The following GLIS3 variants were observed in gnomAD, a reference collection of about 807,000 sequenced individuals.
The protein encoded by GLIS3 is zinc finger protein GLIS3.
GLIS3 carries 53 observed loss-of-function variants against 78.6 expected under a neutral mutation model. The observed-to-expected ratio is 0.67, with a 90% CI of 0.54 to 0.85. The LOEUF (loss-of-function observed/expected upper bound fraction) is 0.85, where lower values mean the gene tolerates loss of function less well. GLIS3 is among the 40% of genes least tolerant of loss of function. GLIS3 has a pLI of 0.00. For missense variants in GLIS3, 1,703 were observed against 1,231.1 expected, an observed-to-expected ratio of 1.38 and a Z score of -5.74; for synonymous variants, 684 against 509.9, an observed-to-expected ratio of 1.34 and a Z score of -4.60.
At chr9:4,015,966 T>G (rs1312690108) in intron 4 of GLIS3, among the ~76,000 whole-genome samples, 1 of 151,998 alleles carries the variant, frequency 6.6e-6, no homozygotes, top group Non-Finnish European at 1.5e-5. Flanking sequence ...AAATAGGAAT[T>G]TGGTAAATAC....
upstream of GLIS3, among the ~76,000 whole-genome samples, chr9:4,350,522 C>T (rs567273047): frequency 3.2e-4 from 49 of 152,314 alleles, no homozygotes; most frequent in Non-Finnish European, 5.9e-4. Context: ...CGTACTATAT[C>T]TCTCTGAAAT....
At chr9:4,322,368 A>G (rs1289358122) in intron 2 of GLIS3, among the ~76,000 whole-genome samples, 4 of 152,252 alleles carry the variant, frequency 2.6e-5, no homozygotes, top group Non-Finnish European at 5.9e-5. Context: ...TAGGAACATG[A>G]TTTATAATCC....
At chr9:4,475,949 A>G in the GLIS3 span, among the ~76,000 whole-genome samples, 2 of 152,132 alleles carry the variant, frequency 1.3e-5, no homozygotes, top group East Asian at 1.9e-4. Flanking sequence ...GGGTCTTGCT[A>G]TGTTAACCAG....
chr9:4,322,842 T>G (rs1301865790), intron 2 of GLIS3, among the ~76,000 whole-genome samples: 1 of 152,218 alleles, frequency 6.6e-6, no homozygotes, highest in Non-Finnish European at 1.5e-5. Context: ...TTGCAAAAAT[T>G]TTCTCCCATT....
the GLIS3 span, among the ~76,000 whole-genome samples, chr9:4,443,749 T>C: frequency 6.6e-6 from 1 of 152,208 alleles, no homozygotes; most frequent in Non-Finnish European, 1.5e-5. Flanking sequence ...GTCAAATGAT[T>C]GCAAAGAAAG....
chr9:4,488,568 G>A, the GLIS3 span, among the ~76,000 whole-genome samples: 1 of 151,964 alleles, frequency 6.6e-6, no homozygotes, highest in South Asian at 2.1e-4. Context: ...CGCCCAGGCA[G>A]GAGTGCTGCA....
intron 2 of GLIS3, among the ~76,000 whole-genome samples, chr9:4,186,002 T>C (rs1563718507): frequency 6.6e-6 from 1 of 152,022 alleles, no homozygotes; most frequent in Non-Finnish European, 1.5e-5. Flanking sequence ...TTTTTAAATT[T>C]TATTTTATTA....
intron 4 of GLIS3, among the ~76,000 whole-genome samples, chr9:4,056,933 G>GA: frequency 7.1e-6 from 1 of 140,270 alleles, no homozygotes; most frequent in African/African-American, 2.6e-5. Flanking sequence ...CATCTGCCAG[G>GA]AAAAAAAGCC....
the GLIS3 span, among the ~76,000 whole-genome samples, chr9:4,377,163 C>G: frequency 5.9e-5 from 8 of 134,874 alleles, no homozygotes; most frequent in Non-Finnish European, 1.2e-4. Context: ...AGGGTGTTGC[C>G]AGAGGAGACT....
Position 3,825,213 on chromosome 9 carries a change from CTGCTG to C in GLIS3, c.*3054_*3058del, listed in dbSNP as rs1563748653. 1 of 152,124 alleles carries C rather than the reference CTGCTG, an allele frequency of 6.6e-6. No homozygotes were observed. 9.4% of individuals were successfully genotyped at this position (152,124 alleles called of 1,614,324 possible). The stretch of plus-strand genomic sequence containing the variant: ...GCCAACACTCTTATCAGTGGTAACT[CTGCTG>C]TGATCTACTAAAGACCTTTTTTTTT... On this transcript the variant is annotated 3_prime_UTR_variant, in exon 11 of 11. Coordinates refer to ENST00000381971, the MANE Select transcript of GLIS3 (RefSeq NM_001042413.2).
chr9:4,150,937 T>C (rs1348888573), intron 2 of GLIS3: 1 of 152,158 alleles, frequency 6.6e-6, no homozygotes, highest in Non-Finnish European at 1.5e-5. Flanking sequence ...ATGATGCAAA[T>C]ACCTCTGAGG....
chr9:3,921,944 A>ACACACACACACACT (rs1329684597), intron 6 of GLIS3, among the ~76,000 whole-genome samples: 6 of 151,806 alleles, frequency 4.0e-5, no homozygotes, highest in Admixed American at 3.9e-4. Context: ...ACACACACAC[A>ACACACACACACACT]CACTCACACT....
At chr9:3,990,384 G>A (rs756448304) in intron 4 of GLIS3, among the ~76,000 whole-genome samples, 6 of 152,148 alleles carry the variant, frequency 3.9e-5, no homozygotes, top group Non-Finnish European at 7.3e-5. Flanking sequence ...CGGCAATGGC[G>A]CATGTTTTCT....
rs751912495 is a variant in GLIS3, at chr9:3,904,976, C to CTT, written c.1984-6143_1984-6142dup. 7.4e-3 allele frequency among the ~76,000 whole-genome samples: 1,031 copies of CTT among 139,372 alleles called. 17 individuals carry two copies. Among genetic ancestry groups the CTT allele is most frequent in the African/African-American group, 0.025 (955 of 38,026 alleles). 91.4% of individuals were successfully genotyped at this position (139,372 alleles called of 152,430 possible). The stretch of plus-strand genomic sequence containing the variant: ...CACAGTTTCTCTTCCTCTTATGACT[C>CTT]TTTTTTTTTTTTTTGAGACGGAGTC... On this transcript the variant is annotated intron_variant, in intron 6 of 10. Transcript: ENST00000381971.
chr9:4,020,758 T>C (rs907197102), intron 4 of GLIS3, among the ~76,000 whole-genome samples: 3 of 152,242 alleles, frequency 2.0e-5, no homozygotes, highest in Non-Finnish European at 4.4e-5. Flanking sequence ...CAAGAATTAG[T>C]GTCGAGCTGC....
Position 3,855,926 on chromosome 9 carries a change from A to T in GLIS3, c.2473+83T>A, listed in dbSNP as rs1405969473. ...GCCTGGTGTAGAACAGAGCATCTGA[A>T]ATCCACGACAGGTAACTAAGATGAA... On this transcript the variant is annotated intron_variant, in intron 9 of 10. Coordinates refer to ENST00000381971, the MANE Select transcript of GLIS3 (RefSeq NM_001042413.2). 32 of 1,463,118 alleles carry T rather than the reference A, an allele frequency of 2.2e-5. 1 individual carries two copies. The Admixed American group carries it at 5.4e-4, about 25-fold the overall frequency. The allele number at this position is 1,463,118 out of a possible 1,614,324, so 90.6% of individuals were successfully genotyped here.
chr9:4,010,372 T>A (rs1402225137), intron 4 of GLIS3, among the ~76,000 whole-genome samples: 1 of 152,178 alleles, frequency 6.6e-6, no homozygotes, highest in East Asian at 1.9e-4. Flanking sequence ...TATTAATTTA[T>A]TTCCTACAGG....
At chr9:4,143,891 C>G (rs1834007931) in intron 2 of GLIS3, among the ~76,000 whole-genome samples, 1 of 152,206 alleles carries the variant, frequency 6.6e-6, no homozygotes, top group South Asian at 2.1e-4. Context: ...GCGAAACCAT[C>G]TAAATGTTTG....
the GLIS3 span, among the ~76,000 whole-genome samples, chr9:4,399,472 T>C: frequency 6.6e-6 from 1 of 152,200 alleles, no homozygotes; most frequent in Non-Finnish European, 1.5e-5. Context: ...GAATATGAAA[T>C]AATTTTCCCA....
Sources: allele counts gnomAD v4.1 joint callset (sites outside exome capture counted in the v4.1 genomes callset), GRCh38; gene constraint gnomAD v4.1.1; transcripts MANE v1.5; gene names NCBI Gene and HGNC (gene_info 2026-07-23, HGNC 2026-07-21).